SLC4A5: variants seen among roughly 807,000 people sequenced by gnomAD.
The protein encoded by SLC4A5 is electrogenic sodium bicarbonate cotransporter 4.
SLC4A5 carries 96 observed loss-of-function variants against 120.4 expected under a neutral mutation model. That is an observed-to-expected ratio of 0.80 (90% CI 0.68 to 0.94). The LOEUF is 0.94. SLC4A5 is among the 40% of genes least tolerant of loss of function. The pLI is 0.00. For missense variants in SLC4A5, 1,259 were observed against 1,459.5 expected (o/e 0.86, Z 2.24); for synonymous variants, 550 against 571.1 (o/e 0.96, Z 0.53).
At chr2:74,302,917 C>A (rs1258095276) in intron 7 of SLC4A5, among the ~76,000 whole-genome samples, 1 of 152,106 alleles carries the variant, frequency 6.6e-6, no homozygotes, top group Non-Finnish European at 1.5e-5. Context: ...GAGACCATGT[C>A]AGTATGTGTG....
chr2:74,290,622 TGAGAGAGA>T (rs151284937), intron 7 of SLC4A5: 149 of 885,724 alleles, frequency 1.7e-4, no homozygotes, highest in East Asian at 6.8e-4. Context: ...GACAGAGAAG[TGAGAGAGA>T]GAGAGAGAGA....
At chr2:74,254,784 G>A (rs1212294340) in intron 13 of SLC4A5, 78 bp from the exon 14 acceptor site, 4 of 1,082,250 alleles carry the variant, frequency 3.7e-6, no homozygotes, top group Non-Finnish European at 5.6e-6. Context: ...ACAGAAGCAA[G>A]TGAAGAGAAT....
At chr2:74,341,118 AAC>A (rs1266693535) in intron 2 of SLC4A5, among the ~76,000 whole-genome samples, 2 of 152,126 alleles carry the variant, frequency 1.3e-5, no homozygotes, top group Non-Finnish European at 2.9e-5. Flanking sequence ...CAGCCTGGTC[AAC>A]ATGGTGAAAC....
At chr2:74,223,146 A>C (rs1694715789) in intron 28 of SLC4A5, among the ~76,000 whole-genome samples, 194 bp from the exon 29 acceptor site, 1 of 151,958 alleles carries the variant, frequency 6.6e-6, no homozygotes, top group African/African-American at 2.4e-5. Context: ...CTGGGATTAC[A>C]GGCGTGCACC....
At chr2:74,285,898 G>C in exon 8 of SLC4A5, 1 of 1,597,826 alleles carries the variant, frequency 6.3e-7, no homozygotes, top group Non-Finnish European at 8.5e-7. Context: ...CAGCAGCTGG[G>C]GACCCTGCAA....
chr2:74,236,899 G>T (rs1670286174), intron 21 of SLC4A5, among the ~76,000 whole-genome samples: 1 of 151,706 alleles, frequency 6.6e-6, no homozygotes, highest in Non-Finnish European at 1.5e-5. Flanking sequence ...ACCTTCATCT[G>T]TCTACCAATC....
intron 6 of SLC4A5, chr2:74,307,937 G>T: frequency 1.9e-6 from 1 of 516,518 alleles, no homozygotes; most frequent in South Asian, 1.6e-5. Context: ...GCCAGGCGCC[G>T]TAGCTGGGTG....
intron 7 of SLC4A5, among the ~76,000 whole-genome samples, chr2:74,292,137 G>A (rs1672193920): frequency 6.6e-6 from 1 of 152,118 alleles, no homozygotes; most frequent in South Asian, 2.1e-4. Flanking sequence ...ACTGTGGCAG[G>A]GATTCAATGA....
chr2:74,227,937 G>A (rs1694909706), intron 25 of SLC4A5, 59 bp from the exon 26 acceptor site: 15 of 1,332,072 alleles, frequency 1.1e-5, no homozygotes, highest in African/African-American at 3.0e-5. Context: ...TGGCCACCCT[G>A]TTCTGGATGA....
intron 5 of SLC4A5, among the ~76,000 whole-genome samples, chr2:74,323,147 C>T (rs751201234): frequency 1.3e-5 from 2 of 151,932 alleles, no homozygotes; most frequent in African/African-American, 2.4e-5. Flanking sequence ...GGCTGAGACA[C>T]GACAATCATT....
intron 7 of SLC4A5, among the ~76,000 whole-genome samples, chr2:74,300,977 A>C (rs148221636): frequency 6.6e-6 from 1 of 152,166 alleles, no homozygotes; most frequent in African/African-American, 2.4e-5. Flanking sequence ...GGAAGCATCA[A>C]ATTTCTTTAG....
At chr2:74,275,219 G>A (rs1207698243) in intron 8 of SLC4A5, among the ~76,000 whole-genome samples, 7 of 152,186 alleles carry the variant, frequency 4.6e-5, no homozygotes, top group Non-Finnish European at 1.5e-5. Context: ...TGTGGTGAAT[G>A]GAATGGGGGT....
intron 8 of SLC4A5, among the ~76,000 whole-genome samples, chr2:74,275,152 T>C (rs547419199): frequency 2.0e-5 from 3 of 152,164 alleles, no homozygotes; most frequent in Non-Finnish European, 4.4e-5. Flanking sequence ...CAGACAGTGA[T>C]GAACTGCAGT....
In SLC4A5 at chr2:74,264,040, C is replaced by A. The variant is rs1573041299; in HGVS notation, c.715+107G>T. ...GGAGGCTGAGGGATCCCCAGAACATCAGAATTTCTCCAGAAACTCCCAGCC... is the reference window on the plus strand; with the variant it reads ...GGAGGCTGAGGGATCCCCAGAACATAAGAATTTCTCCAGAAACTCCCAGCC... On this transcript the variant is annotated intron_variant, in intron 10 of 30. Transcript: ENST00000394019. 1.3e-5 allele frequency: 18 copies of A among 1,411,034 alleles called. No homozygotes were observed. The East Asian group carries it at 2.9e-4, about 23-fold the overall frequency. The allele number at this position is 1,411,034 out of a possible 1,614,324, so 87.4% of individuals were successfully genotyped here.
intron 5 of SLC4A5, among the ~76,000 whole-genome samples, chr2:74,316,858 G>A (rs931436450): frequency 6.6e-6 from 1 of 152,222 alleles, no homozygotes; most frequent in Non-Finnish European, 1.5e-5. Context: ...AGAAGATCAT[G>A]AACCATGGAC....
chr2:74,220,188 T>C (rs1694580489), intron 30 of SLC4A5, among the ~76,000 whole-genome samples: 1 of 152,222 alleles, frequency 6.6e-6, no homozygotes, highest in African/African-American at 2.4e-5. Context: ...ATTCATCTTT[T>C]CTGTGTTTGC....
intron 22 of SLC4A5, among the ~76,000 whole-genome samples, chr2:74,234,420 G>A (rs946064617): frequency 3.3e-5 from 5 of 152,050 alleles, no homozygotes; most frequent in Admixed American, 6.6e-5. Flanking sequence ...CTCATGATCC[G>A]CCCACCTCGG....
exon 12 of SLC4A5, chr2:74,259,600 T>G: frequency 6.2e-7 from 1 of 1,614,174 alleles, no homozygotes; most frequent in South Asian, 1.1e-5. Context: ...GGTCTGTGTT[T>G]GGGGTGAGAG....
rs755755685 is a variant in SLC4A5, at chr2:74,224,863, C to T, written c.3223G>A (p.Ala1075Thr). 3.1e-6 allele frequency: 5 copies of T among 1,612,946 alleles called. No individual in the cohort carries two copies. In the East Asian group the frequency reaches 1.1e-4, roughly 36 times the overall value. The change falls in exon 28 of 31, where the codon GCC (alanine) becomes ACC (threonine). Residue 1075 changes from alanine to threonine, a missense_variant. Coordinates refer to ENST00000394019, the Ensembl canonical transcript of SLC4A5. ...ACCTCCTCATCACAGTCCTCGTGGG[C>T]CCCTTTTTTTCTCTTCCTCTTCTTG...
Sources: allele counts gnomAD v4.1 joint callset (sites outside exome capture counted in the v4.1 genomes callset), GRCh38; gene constraint gnomAD v4.1.1; transcripts MANE v1.5; gene names NCBI Gene and HGNC (gene_info 2026-07-23, HGNC 2026-07-21).